SYNE3: variants seen among roughly 807,000 people sequenced by gnomAD.
SYNE3 encodes the protein spectrin repeat containing nuclear envelope family member 3.
In SYNE3, 100 loss-of-function variants were observed where a neutral mutation model predicts 111.2. That is an observed-to-expected ratio of 0.90 (90% CI 0.77 to 1.06). SYNE3 has a LOEUF of 1.06. Among genes scored for constraint, SYNE3 ranks in the 50% least tolerant of loss-of-function variants. SYNE3 has a pLI of 0.00. For synonymous variants in SYNE3, 547 were observed against 533.9 expected (o/e 1.02, Z -0.34); for missense variants, 1,160 against 1,240.3 (o/e 0.94, Z 0.97).
chr14:95,450,062 C>G lies in SYNE3; in HGVS notation c.1318G>C (p.Glu440Gln), dbSNP rs1159875923. Residue 440 changes from glutamate to glutamine, a missense_variant, in exon 8 of 18, where the codon GAG becomes CAG. Transcript: ENST00000682763. ...SARLRNAAAV[E>Q]LWQHFQRPLQ... ...GGCCGCTGGAAATGCTGCCACAGCT[C>G]CACCGCCGCGGCATTGCGCAGCCTC... 6.4e-7 allele frequency: 1 copy of G among 1,570,840 alleles called. No individual in the cohort carries two copies. The highest frequency in any genetic ancestry group is 1.8e-5 in the Admixed American group (1 of 54,390).
At chr14:95,452,098 G>T in intron 7 of SYNE3, 149 bp downstream of exon 7, 1 of 976,792 alleles carries the variant, frequency 1.0e-6, no homozygotes, top group Non-Finnish European at 1.5e-6. Context: ...TGAGCCAAGT[G>T]AGAACCTCTA....
At chr14:95,449,845 G>A (rs1015185259) in intron 8 of SYNE3, 86 bp downstream of exon 8, 1 of 1,493,396 alleles carries the variant, frequency 6.7e-7, no homozygotes, top group Non-Finnish European at 9.0e-7. Flanking sequence ...ACCCGGAAAC[G>A]GACCTTCCCC....
At chr14:95,509,329 G>A (rs1422706839) in intron 1 of SYNE3, among the ~76,000 whole-genome samples, 1 of 152,150 alleles carries the variant, frequency 6.6e-6, no homozygotes, top group African/African-American at 2.4e-5. Flanking sequence ...TATGGTCCTT[G>A]GAGGTGGCCC....
At chr14:95,464,620 G>T (rs1436833327) in intron 4 of SYNE3, among the ~76,000 whole-genome samples, 1 of 152,210 alleles carries the variant, frequency 6.6e-6, no homozygotes. Flanking sequence ...CGCCTGATCT[G>T]GGAACCCCCA....
chr14:95,413,050 T>G lies in SYNE3; in HGVS notation c.*4776A>C, dbSNP rs1208885280. 1.3e-5 allele frequency: 2 copies of G among 152,188 alleles called. No homozygotes were observed. Among genetic ancestry groups the G allele is most frequent in the African/African-American group, 4.8e-5 (2 of 41,428 alleles). The allele number at this position is 152,188 out of a possible 1,614,324, so 9.4% of individuals were successfully genotyped here. ...AAGTTGTTCCCTCGTATTGTTTCACTTGCCTTTGGTCAGTGAAAGCTTTGC... is the reference window on the plus strand; with the variant it reads ...AAGTTGTTCCCTCGTATTGTTTCACGTGCCTTTGGTCAGTGAAAGCTTTGC... On this transcript the variant is annotated 3_prime_UTR_variant, in exon 18 of 18. Transcript: ENST00000682763.
chr14:95,437,211 C>T (rs1475100144), intron 14 of SYNE3, among the ~76,000 whole-genome samples: 3 of 152,224 alleles, frequency 2.0e-5, no homozygotes, highest in Non-Finnish European at 2.9e-5. Flanking sequence ...TGACGGAAGC[C>T]ACCACCATCT....
chr14:95,440,857 AAC>A (rs1260638919), intron 11 of SYNE3, among the ~76,000 whole-genome samples: 1 of 152,222 alleles, frequency 6.6e-6, no homozygotes, highest in East Asian at 1.9e-4. Flanking sequence ...GGGTGCTGGT[AAC>A]ACAGATGCAT....
intron 1 of SYNE3, among the ~76,000 whole-genome samples, chr14:95,486,088 C>T (rs1237937950): frequency 6.6e-6 from 1 of 152,080 alleles, no homozygotes; most frequent in African/African-American, 2.4e-5. Flanking sequence ...CCTTCCCCGA[C>T]CCCACACATT....
chr14:95,509,631 G>A (rs1188849095), intron 1 of SYNE3, among the ~76,000 whole-genome samples: 1 of 152,202 alleles, frequency 6.6e-6, no homozygotes, highest in Admixed American at 6.5e-5. Flanking sequence ...CCGTCCTTAA[G>A]GAACGAGGCT....
intron 17 of SYNE3, among the ~76,000 whole-genome samples, chr14:95,422,236 G>A (rs774312820): frequency 6.6e-6 from 1 of 151,850 alleles, no homozygotes; most frequent in African/African-American, 2.4e-5. Context: ...TGGTTCACCA[G>A]GATATCTGGG....
At chr14:95,516,086 G>A (rs879640316) in intron 1 of SYNE3, 8 of 152,350 alleles carry the variant, frequency 5.3e-5, no homozygotes, top group Admixed American at 2.6e-4. Flanking sequence ...GCCAAAAGGC[G>A]TCTGAACGAA....
chr14:95,449,653 T>C, intron 8 of SYNE3: 6 of 985,370 alleles, frequency 6.1e-6, no homozygotes, highest in African/African-American at 1.7e-5. Context: ...CGCTGCTCTC[T>C]CAGGAGTGCT....
chr14:95,420,990 T>C (rs1449828399), intron 17 of SYNE3, among the ~76,000 whole-genome samples: 1 of 152,194 alleles, frequency 6.6e-6, no homozygotes, highest in Non-Finnish European at 1.5e-5. Flanking sequence ...TGGTAGTGAA[T>C]AAGTCTCGCA....
rs150487160 is a variant in SYNE3, at chr14:95,437,546, C to T, written c.2377-565G>A. 4.6e-5 allele frequency among the ~76,000 whole-genome samples: 7 copies of T among 152,330 alleles called. No homozygotes were observed. In the East Asian group the frequency reaches 7.7e-4, roughly 17 times the overall value. On this transcript the variant is annotated intron_variant, in intron 14 of 17. Coordinates refer to ENST00000682763, the MANE Select transcript of SYNE3 (RefSeq NM_152592.6). The stretch of plus-strand genomic sequence containing the variant: ...CCTCCTCTCCTCACTGCCACTCAGC[C>T]GTGAAAATTCAGCTGAGATGTCTTA...
At chr14:95,507,525 G>T (rs1890572032) in intron 1 of SYNE3, among the ~76,000 whole-genome samples, 1 of 152,214 alleles carries the variant, frequency 6.6e-6, no homozygotes. Context: ...AGTGAAGACT[G>T]CGGCCAGGAG....
rs1355114164 is a variant in SYNE3, at chr14:95,470,258, T to C, written c.145-2291A>G. Among the ~76,000 whole-genome samples, 1 of 152,182 alleles carries C rather than the reference T, an allele frequency of 6.6e-6. No individual in the cohort carries two copies. The highest frequency in any genetic ancestry group is 1.5e-5 in the Non-Finnish European group (1 of 68,034). On this transcript the variant is annotated intron_variant, in intron 2 of 17. Coordinates refer to ENST00000682763, the MANE Select transcript of SYNE3 (RefSeq NM_152592.6). The surrounding 1 kb of genome is among the most constrained non-coding windows in gnomAD (Gnocchi z 4.2). ...AATACGATTATCCACCCAGGATGTT[T>C]CACACCACCCAGGGGCAGGGTTCCA...
At position 95,457,332 on chromosome 14, in the gene SYNE3, C is replaced by T. The variant is rs1184442564; in HGVS notation, c.634G>A (p.Val212Ile). ...DAVKAKAQKR[V>I]DLLEQVAREH... ...CGGGCCACCTGCTCCAGCAGATCTA[C>T]ACGCTTCTGTGGGAGGAGGAGAATC... The change falls in exon 5 of 18, where the codon GTA becomes ATA. Residue 212 changes from valine to isoleucine, a missense_variant. Transcript: ENST00000682763. The T allele has an allele frequency of 6.2e-7, 1 of 1,613,610 alleles. No individual in the cohort carries two copies.
chr14:95,506,028 T>C (rs879715641), intron 1 of SYNE3, among the ~76,000 whole-genome samples: 20 of 152,090 alleles, frequency 1.3e-4, no homozygotes, highest in Non-Finnish European at 2.4e-4. Context: ...CAGGTGGTTA[T>C]GAGAAGGCCA....
intron 3 of SYNE3, among the ~76,000 whole-genome samples, chr14:95,467,581 C>A (rs1888267292): frequency 6.6e-6 from 1 of 152,226 alleles, no homozygotes; most frequent in African/African-American, 2.4e-5. Flanking sequence ...GAATTGTTGA[C>A]AAAACACGCT....
Sources: gnomAD v4.1 joint callset for allele counts (sites outside exome capture counted in the v4.1 genomes callset) on GRCh38, gnomAD v4.1.1 for gene constraint, Gnocchi (gnomAD v3.1) non-coding constraint, MANE v1.5 for transcripts, NCBI Gene and HGNC (gene_info 2026-07-23, HGNC 2026-07-21) for gene names.